Variants in BLOC1S5 observed in about 807,000 individuals in gnomAD.
BLOC1S5 encodes biogenesis of lysosome-related organelles complex 1 subunit 5.
Under a neutral mutation model 24.3 loss-of-function variants are expected in BLOC1S5, and 27 were observed. The observed-to-expected ratio is 1.11, with a 90% confidence interval of 0.82 to 1.53. BLOC1S5 has a LOEUF of 1.53. Ranked by LOEUF, BLOC1S5 falls within the 40% of genes most tolerant of loss-of-function variation. The probability of loss-of-function intolerance (pLI) is 0.00; values close to 1 mark genes in which losing one functional copy is unlikely to be tolerated. For missense variants in BLOC1S5, 239 were observed against 229.4 expected, an observed-to-expected ratio of 1.04 and a Z score of -0.27; for synonymous variants, 84 against 74.5, an observed-to-expected ratio of 1.13 and a Z score of -0.66.
At chr6:8,038,766 G>A (rs1400216849) in intron 3 of BLOC1S5, among the ~76,000 whole-genome samples, 1 of 152,200 alleles carries the variant, frequency 6.6e-6, no homozygotes, top group East Asian at 1.9e-4. Flanking sequence ...TTACAGGCGT[G>A]GGCCACCACA....
At chr6:8,025,170 T>C (rs1190680896) in intron 4 of BLOC1S5, among the ~76,000 whole-genome samples, 2 of 152,236 alleles carry the variant, frequency 1.3e-5, no homozygotes, top group Non-Finnish European at 2.9e-5. Context: ...TTATCCTCTA[T>C]TATTATAGTG....
At position 8,015,721 on chromosome 6, in the gene BLOC1S5, T is replaced by G; in HGVS notation, c.492A>C (p.Arg164Ser). The G allele has an allele frequency of 6.2e-7, 1 of 1,614,212 alleles. No individual in the cohort carries two copies. The highest frequency in any genetic ancestry group is 8.5e-7 in the Non-Finnish European group (1 of 1,180,038). The change falls in exon 5 of 5, where the codon AGA becomes AGC. Residue 164 changes from arginine to serine, a missense_variant. Arg to Ser is a moderately radical substitution (Grantham distance 110, BLOSUM62 -1). Coordinates refer to ENST00000397457, the MANE Select transcript of BLOC1S5 (RefSeq NM_201280.3). Reference sequence around the variant, plus strand: ...GTTCTTTAAGCCTTTCCATGGCTTTTCTGTGCTCTTCATCCACTTCAGCCC... The same window carrying G: ...GTTCTTTAAGCCTTTCCATGGCTTTGCTGTGCTCTTCATCCACTTCAGCCC... Reference protein sequence around the residue: ...NKRAEVDEEHRKAMERLKEQY... With the variant: ...NKRAEVDEEHSKAMERLKEQY...
At chr6:8,030,696 A>AC (rs1763266157) in intron 3 of BLOC1S5, among the ~76,000 whole-genome samples, 1 of 149,476 alleles carries the variant, frequency 6.7e-6, no homozygotes, top group Admixed American at 6.7e-5. Flanking sequence ...ACATGGTGAA[A>AC]CCCCCTTTCT....
Position 8,024,723 on chromosome 6 carries a change from A to G in BLOC1S5, c.384+1644T>C, listed in dbSNP as rs1394287405. 3.3e-5 allele frequency among the ~76,000 whole-genome samples: 5 copies of G among 152,120 alleles called. No homozygotes were observed. The East Asian group carries it at 7.7e-4, about 23-fold the overall frequency. On this transcript the variant is annotated intron_variant, in intron 4 of 4. Coordinates refer to ENST00000397457, the MANE Select transcript of BLOC1S5 (RefSeq NM_201280.3). ...ACGGTGACCGCTCGCATCTTAAACA[A>G]ACAGTGAGCTGGCAGGAAAAAAATG...
chr6:8,042,271 A>G (rs1442988243), intron 2 of BLOC1S5, among the ~76,000 whole-genome samples: 2 of 152,200 alleles, frequency 1.3e-5, no homozygotes, highest in Non-Finnish European at 2.9e-5. Flanking sequence ...AGCTTCTGTT[A>G]TTATGTGCTA....
chr6:8,021,060 T>C (rs1762899118), intron 4 of BLOC1S5, among the ~76,000 whole-genome samples: 1 of 152,200 alleles, frequency 6.6e-6, no homozygotes, highest in Non-Finnish European at 1.5e-5. Flanking sequence ...TGGAATATTA[T>C]TCAGCCTTAA....
intron 3 of BLOC1S5, among the ~76,000 whole-genome samples, chr6:8,034,696 T>G (rs986879323): frequency 3.3e-5 from 5 of 152,164 alleles, no homozygotes; most frequent in Non-Finnish European, 7.3e-5. Context: ...CTGGTGGGAA[T>G]GTAAACTAGT....
chr6:8,057,771 T>C (rs1031436793), intron 2 of BLOC1S5, among the ~76,000 whole-genome samples: 1 of 152,238 alleles, frequency 6.6e-6, no homozygotes, highest in African/African-American at 2.4e-5. Flanking sequence ...CCCACTCAAC[T>C]CTTATAATTA....
intron 3 of BLOC1S5, among the ~76,000 whole-genome samples, chr6:8,039,535 T>C (rs1041822945): frequency 6.6e-6 from 1 of 152,136 alleles, no homozygotes; most frequent in African/African-American, 2.4e-5. Context: ...TATGAAAGCA[T>C]TAAATTACCA....
intron 3 of BLOC1S5, among the ~76,000 whole-genome samples, chr6:8,028,443 T>C (rs1022916344): frequency 2.6e-5 from 4 of 152,114 alleles, no homozygotes; most frequent in African/African-American, 9.7e-5. Flanking sequence ...TCCCAAGCAG[T>C]GCTTCTATCA....
intron 2 of BLOC1S5, among the ~76,000 whole-genome samples, chr6:8,056,218 C>A (rs184556619): frequency 6.6e-6 from 1 of 152,174 alleles, no homozygotes; most frequent in Non-Finnish European, 1.5e-5. Context: ...TAGAGCATCA[C>A]GCAACAGACT....
chr6:8,030,332 G>T (rs762965445), intron 3 of BLOC1S5, among the ~76,000 whole-genome samples: 1 of 151,626 alleles, frequency 6.6e-6, no homozygotes, highest in African/African-American at 2.4e-5. Flanking sequence ...GCTAATTTTT[G>T]TATTCTTAAT....
intron 3 of BLOC1S5, among the ~76,000 whole-genome samples, chr6:8,031,174 A>G (rs62395774): frequency 0.12 from 18,949 of 152,226 alleles, 1,487 homozygotes; most frequent in South Asian, 0.28. Flanking sequence ...AAATCGGTAA[A>G]GAGGAAGTAA....
intron 2 of BLOC1S5, among the ~76,000 whole-genome samples, chr6:8,059,574 TATC>T (rs1418946636): frequency 6.6e-6 from 1 of 152,256 alleles, no homozygotes; most frequent in Non-Finnish European, 1.5e-5. Context: ...AATTATCTGA[TATC>T]ATTGTTTCGG....
At chr6:8,062,504 T>A in intron 2 of BLOC1S5, 30 bp downstream of exon 2, 1 of 1,352,304 alleles carries the variant, frequency 7.4e-7, no homozygotes, top group South Asian at 1.3e-5. Context: ...ATTAGGGAAG[T>A]ACTTTTATAA....
At chr6:8,046,318 T>C (rs939589155) in intron 2 of BLOC1S5, among the ~76,000 whole-genome samples, 1 of 152,194 alleles carries the variant, frequency 6.6e-6, no homozygotes, top group Non-Finnish European at 1.5e-5. Context: ...TACACCTCTT[T>C]TTCTTCCCAA....
chr6:8,035,180 T>C (rs1763444192), intron 3 of BLOC1S5, among the ~76,000 whole-genome samples: 2 of 151,950 alleles, frequency 1.3e-5, no homozygotes, highest in African/African-American at 4.8e-5. Context: ...CAGTGAACTT[T>C]GGGGACTCAG....
chr6:8,053,614 C>A (rs1764207812), intron 2 of BLOC1S5, among the ~76,000 whole-genome samples: 1 of 152,144 alleles, frequency 6.6e-6, no homozygotes, highest in Admixed American at 6.5e-5. Context: ...TAATTGGGCA[C>A]CCAAGAAATT....
intron 1 of BLOC1S5, 60 bp from the exon 2 acceptor site, chr6:8,062,676 G>A: frequency 8.8e-7 from 1 of 1,136,844 alleles, no homozygotes. Flanking sequence ...TCTCTAGCTT[G>A]TTTTACTCTC....
Sources: gnomAD v4.1 joint callset for allele counts (sites outside exome capture counted in the v4.1 genomes callset) on GRCh38, gnomAD v4.1.1 for gene constraint, MANE v1.5 for transcripts, NCBI Gene and HGNC (gene_info 2026-07-23, HGNC 2026-07-21) for gene names.